PDZRN3: variants seen among roughly 807,000 people sequenced by gnomAD.
The protein encoded by PDZRN3 is E3 ubiquitin-protein ligase PDZRN3.
Under a neutral mutation model 85.7 loss-of-function variants are expected in PDZRN3, and 38 were observed. The observed-to-expected ratio is 0.44, with a 90% CI of 0.34 to 0.58. The LOEUF is 0.58. PDZRN3 is among the 20% of genes least tolerant of loss of function. The pLI is 0.01. For missense variants in PDZRN3, 1,629 were observed against 1,506.4 expected (o/e 1.08, Z -1.35); for synonymous variants, 759 against 638.0 (o/e 1.19, Z -2.86).
At chr3:73,478,876 T>C (rs887502290) in intron 3 of PDZRN3, among the ~76,000 whole-genome samples, 8 of 152,246 alleles carry the variant, frequency 5.3e-5, no homozygotes, top group Non-Finnish European at 2.9e-5. Context: ...AGAAACTACA[T>C]GCTAATAATG....
At chr3:73,408,108 C>A (rs201920898) in intron 3 of PDZRN3, 14 of 701,564 alleles carry the variant, frequency 2.0e-5, no homozygotes, top group Non-Finnish European at 3.6e-5. Flanking sequence ...AAATACAGTT[C>A]AAATAAGCCC....
At chr3:73,582,827 T>C (rs1476584560) in intron 3 of PDZRN3, among the ~76,000 whole-genome samples, 2 of 152,102 alleles carry the variant, frequency 1.3e-5, no homozygotes, top group South Asian at 2.1e-4. Flanking sequence ...TGAAATGAAA[T>C]AGCACATTAG....
chr3:73,596,681 T>C (rs563594598), intron 3 of PDZRN3, among the ~76,000 whole-genome samples: 1 of 152,262 alleles, frequency 6.6e-6, no homozygotes, highest in East Asian at 1.9e-4. Flanking sequence ...CCAGAAAAGA[T>C]CTGGTTTGGA....
chr3:73,556,190 TA>T (rs1459538201), intron 3 of PDZRN3, among the ~76,000 whole-genome samples: 1 of 152,192 alleles, frequency 6.6e-6, no homozygotes, highest in African/African-American at 2.4e-5. Flanking sequence ...TCACATTTAA[TA>T]AGTAATAATC....
At chr3:73,456,088 T>C (rs1702970530) in intron 3 of PDZRN3, among the ~76,000 whole-genome samples, 1 of 152,354 alleles carries the variant, frequency 6.6e-6, no homozygotes, top group South Asian at 2.1e-4. Context: ...AAAATGGGCT[T>C]TGCTTTCTTG....
At chr3:73,402,811 T>C (rs1375041958) in intron 4 of PDZRN3, among the ~76,000 whole-genome samples, 2 of 152,098 alleles carry the variant, frequency 1.3e-5, no homozygotes, top group African/African-American at 4.8e-5. Context: ...GAGGTGAAAA[T>C]GCCCTTTGAA....
Position 73,383,332 on chromosome 3 carries a change from G to A in PDZRN3, c.*33C>T, listed in dbSNP as rs1703292188. ...AGGAATTTCTACCCCAGTGGTAGTG[G>A]TCTCCTTTATGTACATAATGCAGAA... On this transcript the variant is annotated 3_prime_UTR_variant, in exon 10 of 10. Coordinates refer to ENST00000263666, the MANE Select transcript of PDZRN3 (RefSeq NM_015009.3). 1.3e-6 allele frequency: 2 copies of A among 1,542,246 alleles called. No homozygotes were observed. Among genetic ancestry groups the A allele is most frequent in the African/African-American group, 1.4e-5 (1 of 72,632 alleles).
At chr3:73,516,630 G>C (rs997771257) in intron 3 of PDZRN3, among the ~76,000 whole-genome samples, 1 of 152,128 alleles carries the variant, frequency 6.6e-6, no homozygotes, top group Admixed American at 6.5e-5. Context: ...ATAGTCAAAT[G>C]ACCAATCTTT....
intron 3 of PDZRN3, among the ~76,000 whole-genome samples, chr3:73,466,668 G>A (rs62246081): frequency 0.26 from 40,091 of 151,994 alleles, 6,424 homozygotes; most frequent in African/African-American, 0.46. Context: ...CCCTTAACAC[G>A]CAGAAACTCT....
At position 73,489,439 on chromosome 3, in the gene PDZRN3, A is replaced by ACCCT. The variant is rs1703726622; in HGVS notation, c.919-85048_919-85045dup. Among the ~76,000 whole-genome samples, 3 of 151,924 alleles carry ACCCT rather than the reference A, an allele frequency of 2.0e-5. No individual in the cohort carries two copies. The South Asian group carries it at 6.2e-4, about 32-fold the overall frequency. On this transcript the variant is annotated intron_variant, in intron 3 of 9. Coordinates refer to ENST00000263666, the MANE Select transcript of PDZRN3 (RefSeq NM_015009.3). ...AGATACTCCAACTCTGCTGAAGAAA[A>ACCCT]CCCTCTTTCTCCATTGTCTATCACA...
chr3:73,398,071 C>T (rs185442362), intron 5 of PDZRN3, among the ~76,000 whole-genome samples: 198 of 152,172 alleles, frequency 1.3e-3, no homozygotes, highest in African/African-American at 4.1e-3. Flanking sequence ...AAAATAAACA[C>T]GAATATAAAG....
At chr3:73,612,228 G>A (rs1324436771) in intron 1 of PDZRN3, among the ~76,000 whole-genome samples, 1 of 152,186 alleles carries the variant, frequency 6.6e-6, no homozygotes, top group Non-Finnish European at 1.5e-5. Flanking sequence ...GACAAACTGA[G>A]GCTCAGGGAA....
intron 3 of PDZRN3, among the ~76,000 whole-genome samples, chr3:73,513,723 C>T (rs1704207518): frequency 6.6e-6 from 1 of 152,122 alleles, no homozygotes; most frequent in Non-Finnish European, 1.5e-5. Context: ...CTGAACCAAC[C>T]AAAGAAATAT....
intron 3 of PDZRN3, among the ~76,000 whole-genome samples, chr3:73,458,928 G>T (rs1440093474): frequency 1.3e-5 from 2 of 150,330 alleles, no homozygotes; most frequent in African/African-American, 4.9e-5. Context: ...GGAGGTGGAG[G>T]TTGCAGTGAG....
chr3:73,393,732 T>A (rs1216648446), intron 5 of PDZRN3, among the ~76,000 whole-genome samples: 1 of 152,208 alleles, frequency 6.6e-6, no homozygotes, highest in Non-Finnish European at 1.5e-5. Context: ...CTTGCTTGTA[T>A]TTCTTGCTTG....
chr3:73,545,446 A>G (rs545664372), intron 3 of PDZRN3, among the ~76,000 whole-genome samples: 171 of 152,342 alleles, frequency 1.1e-3, no homozygotes, highest in Middle Eastern at 0.01. Flanking sequence ...TACGTAAGAA[A>G]AAAAATGCAA....
chr3:73,398,811 A>C (rs1416532543), intron 5 of PDZRN3, among the ~76,000 whole-genome samples: 1 of 152,234 alleles, frequency 6.6e-6, no homozygotes, highest in Non-Finnish European at 1.5e-5. Flanking sequence ...ACTGTATTTA[A>C]TTGTATGGGA....
In PDZRN3 at chr3:73,384,401, T is replaced by G. The variant is rs753850622; in HGVS notation, c.2165A>C (p.His722Pro). ...KEQYRESWML[H>P]NSGFRNYNTS... ...GTTGTAGTTGCGGAAGCCGCTGTTG[T>G]GCAGCATCCAGGACTCGCGGTACTG... Residue 722 changes from histidine to proline, a missense_variant, in exon 10 of 10, where the codon CAC (histidine) becomes CCC (proline). By Grantham distance (77) the His-to-Pro change is moderately conservative (BLOSUM62 -2). Coordinates refer to ENST00000263666, the MANE Select transcript of PDZRN3 (RefSeq NM_015009.3). 5.0e-6 allele frequency: 8 copies of G among 1,609,736 alleles called. No homozygotes were observed. Among genetic ancestry groups the G allele is most frequent in the African/African-American group, 4.0e-5 (3 of 74,938 alleles).
intron 3 of PDZRN3, among the ~76,000 whole-genome samples, chr3:73,567,257 C>T (rs1027334625): frequency 6.6e-6 from 1 of 152,186 alleles, no homozygotes; most frequent in East Asian, 1.9e-4. Context: ...ACTTCCACAT[C>T]GAGCAGACAA....
Sources: allele counts gnomAD v4.1 joint callset (sites outside exome capture counted in the v4.1 genomes callset), GRCh38; gene constraint gnomAD v4.1.1; transcripts MANE v1.5; gene names NCBI Gene and HGNC (gene_info 2026-07-23, HGNC 2026-07-21).